Variants in GRM5 observed in about 807,000 individuals in gnomAD.
GRM5 encodes glutamate metabotropic receptor 5.
A neutral mutation model predicts 83.1 loss-of-function variants in GRM5; 19 were observed. The observed-to-expected ratio is 0.23, with a 90% CI of 0.16 to 0.34. GRM5 has a LOEUF of 0.34. Among genes scored for constraint, GRM5 ranks in the 10% least tolerant of loss-of-function variants. The pLI is 1.00. For missense variants in GRM5, 1,160 were observed against 1,588.3 expected, an observed-to-expected ratio of 0.73 and a Z score of 4.58; for synonymous variants, 675 against 633.6, an observed-to-expected ratio of 1.07 and a Z score of -0.98.
At chr11:88,990,810 CA>C (rs1353739902) in intron 2 of GRM5, among the ~76,000 whole-genome samples, 3 of 151,642 alleles carry the variant, frequency 2.0e-5, no homozygotes, top group Admixed American at 2.0e-4. Flanking sequence ...CAAAATTCAA[CA>C]ACCCTTCATG....
chr11:88,769,276 A>G (rs1942682373), intron 3 of GRM5, among the ~76,000 whole-genome samples: 1 of 152,032 alleles, frequency 6.6e-6, no homozygotes, highest in African/African-American at 2.4e-5. Context: ...AACAATAAGA[A>G]CTCATGTTCA....
intron 8 of GRM5, among the ~76,000 whole-genome samples, chr11:88,539,382 T>C (rs1173520802): frequency 6.6e-6 from 1 of 152,232 alleles, no homozygotes; most frequent in Non-Finnish European, 1.5e-5. Context: ...ACTGTGTTTA[T>C]GTTCATAGGG....
intron 3 of GRM5, among the ~76,000 whole-genome samples, chr11:88,821,353 A>G (rs1251613137): frequency 1.3e-5 from 2 of 150,236 alleles, no homozygotes; most frequent in South Asian, 2.1e-4. Flanking sequence ...CCAAAAAAAA[A>G]AAAAAAAAAG....
At chr11:88,993,667 T>C (rs910826494) in intron 2 of GRM5, among the ~76,000 whole-genome samples, 9 of 152,308 alleles carry the variant, frequency 5.9e-5, no homozygotes, top group Admixed American at 3.3e-4. Context: ...TGAAAAGATA[T>C]GAGAACTATA....
At chr11:88,570,728 G>A (rs1301899427) in intron 7 of GRM5, among the ~76,000 whole-genome samples, 5 of 150,108 alleles carry the variant, frequency 3.3e-5, no homozygotes, top group East Asian at 3.9e-4. Context: ...AGGCACTCCC[G>A]GCTAATTTTT....
intron 3 of GRM5, among the ~76,000 whole-genome samples, chr11:88,679,731 A>C (rs1940429233): frequency 6.6e-6 from 1 of 152,166 alleles, no homozygotes; most frequent in Admixed American, 6.6e-5. Flanking sequence ...GTTGAACAGC[A>C]TGTGTCATTA....
At chr11:88,961,667 A>C (rs1181407505) in intron 2 of GRM5, among the ~76,000 whole-genome samples, 2 of 152,198 alleles carry the variant, frequency 1.3e-5, no homozygotes, top group Non-Finnish European at 2.9e-5. Context: ...TCAACATAAC[A>C]TTCCAAGACT....
At chr11:88,680,097 A>G (rs117203185) in intron 3 of GRM5, among the ~76,000 whole-genome samples, 7,322 of 152,244 alleles carry the variant, frequency 0.048, 170 homozygotes, top group Middle Eastern at 0.075. Context: ...ATTTTTGTTT[A>G]TACTTTAAGT....
chr11:88,585,683 C>T (rs553580106), intron 7 of GRM5, among the ~76,000 whole-genome samples: 214 of 152,234 alleles, frequency 1.4e-3, no homozygotes, highest in Non-Finnish European at 2.3e-3. Flanking sequence ...CCTAAGTTAG[C>T]TTTTACTGTT....
intron 3 of GRM5, among the ~76,000 whole-genome samples, chr11:88,708,244 T>C (rs6483390): frequency 0.99 from 151,147 of 152,132 alleles, 75,093 homozygotes; most frequent in East Asian, 1. Flanking sequence ...GCAAAAATAC[T>C]TTAGCACATT....
intron 3 of GRM5, among the ~76,000 whole-genome samples, chr11:88,816,910 C>T (rs1191177691): frequency 6.6e-6 from 1 of 152,070 alleles, no homozygotes; most frequent in African/African-American, 2.4e-5. Context: ...AAAGTTCCTT[C>T]ATAATTAATT....
At chr11:88,699,756 T>A (rs1021360329) in intron 3 of GRM5, among the ~76,000 whole-genome samples, 11 of 150,844 alleles carry the variant, frequency 7.3e-5, no homozygotes, top group Non-Finnish European at 1.3e-4. Context: ...GAGCAGAGTG[T>A]CCAGGTCTAA....
intron 2 of GRM5, among the ~76,000 whole-genome samples, chr11:89,039,133 C>T (rs150319166): frequency 0.025 from 3,727 of 151,960 alleles, 82 homozygotes; most frequent in Non-Finnish European, 0.032. Flanking sequence ...GGCACGGTGG[C>T]ACGCACCTGT....
chr11:88,819,787 T>A (rs1241335003), intron 3 of GRM5, among the ~76,000 whole-genome samples: 1 of 152,086 alleles, frequency 6.6e-6, no homozygotes, highest in East Asian at 1.9e-4. Flanking sequence ...GGCTGGGCAG[T>A]CCAAGGTTCA....
intron 2 of GRM5, among the ~76,000 whole-genome samples, chr11:88,883,059 CT>C (rs1944986839): frequency 6.6e-6 from 1 of 152,204 alleles, no homozygotes; most frequent in Non-Finnish European, 1.5e-5. Context: ...CATTAAACCT[CT>C]TTCCTTTATA....
intron 4 of GRM5, among the ~76,000 whole-genome samples, chr11:88,610,568 T>A (rs1938284868): frequency 6.6e-6 from 1 of 152,242 alleles, no homozygotes; most frequent in Non-Finnish European, 1.5e-5. Flanking sequence ...ACATTGATTT[T>A]GTATCCTGAA....
At chr11:88,666,145 G>A (rs920505389) in intron 3 of GRM5, among the ~76,000 whole-genome samples, 4 of 152,192 alleles carry the variant, frequency 2.6e-5, no homozygotes, top group Non-Finnish European at 4.4e-5. Context: ...GGACAGATGA[G>A]AAGAGCTTTA....
Position 88,855,894 on chromosome 11 carries a change from C to T in GRM5, c.662-5739G>A, listed in dbSNP as rs78131464. Among the ~76,000 whole-genome samples, 1,189 of 151,654 alleles carry T rather than the reference C, an allele frequency of 7.8e-3. 19 individuals are homozygous for T. Among genetic ancestry groups the T allele is most frequent in the African/African-American group, 0.027 (1,123 of 41,370 alleles). ...GGTAGGTACTTACGTATTTCTTGTA[C>T]AGAAAAGTAGTACAGAAAAATAGGC... On this transcript the variant is annotated intron_variant, in intron 2 of 9. Coordinates refer to ENST00000305447, the MANE Select transcript of GRM5 (RefSeq NM_001143831.3).
At chr11:88,919,598 A>G in intron 2 of GRM5, among the ~76,000 whole-genome samples, 1 of 151,854 alleles carries the variant, frequency 6.6e-6, no homozygotes, top group Non-Finnish European at 1.5e-5. Flanking sequence ...CAGAATATAC[A>G]TTCTTTTCCT....
Sources: allele counts gnomAD v4.1 joint callset (sites outside exome capture counted in the v4.1 genomes callset), GRCh38; gene constraint gnomAD v4.1.1; transcripts MANE v1.5; gene names NCBI Gene and HGNC (gene_info 2026-07-23, HGNC 2026-07-21).